FAM178B: variants seen among roughly 807,000 people sequenced by gnomAD.
FAM178B encodes protein FAM178B.
In FAM178B, 82 loss-of-function variants were observed where a neutral mutation model predicts 91.7. The ratio of observed to expected loss-of-function variants is 0.89; its 90% CI spans 0.75 to 1.07. The LOEUF is 1.07. Ranked by LOEUF, FAM178B falls within the 50% of genes least tolerant of loss-of-function variation. The pLI is 0.00. For missense variants in FAM178B, 769 were observed against 846.7 expected (o/e 0.91, Z 1.14); for synonymous variants, 368 against 359.4 (o/e 1.02, Z -0.27).
intron 8 of FAM178B, among the ~76,000 whole-genome samples, chr2:96,933,498 T>G (rs1301319903): frequency 6.6e-6 from 1 of 152,154 alleles, no homozygotes; most frequent in Non-Finnish European, 1.5e-5. Context: ...TACATGGAAT[T>G]GGAAATCCAT....
intron 13 of FAM178B, among the ~76,000 whole-genome samples, chr2:96,900,942 A>G (rs2080915430): frequency 6.6e-6 from 1 of 152,026 alleles, no homozygotes; most frequent in African/African-American, 2.4e-5. Flanking sequence ...TAGCCAGAGC[A>G]CCCCTAGTGT....
chr2:96,986,479 G>C lies in FAM178B; in HGVS notation c.-166C>G, dbSNP rs749899923. 6 of 764,568 alleles carry C rather than the reference G, an allele frequency of 7.8e-6. No homozygotes were observed. The highest frequency in any genetic ancestry group is 1.2e-5 in the Non-Finnish European group (6 of 494,300). 47.4% of individuals were successfully genotyped at this position (764,568 alleles called of 1,614,324 possible). A position where few individuals can be genotyped will look rare whatever the true frequency, so the allele number is the denominator to read the frequency against. ...CCCTAGATCCAGGGCCGCCAACGTG[G>C]AACCTAAAGATCCAGTTCTGGGGAT... is the stretch of plus-strand genomic sequence containing the variant. On this transcript the variant is annotated 5_prime_UTR_variant, in exon 1 of 17. Transcript: ENST00000490605.
intron 8 of FAM178B, among the ~76,000 whole-genome samples, chr2:96,935,491 G>C (rs950213791): frequency 6.6e-6 from 1 of 152,090 alleles, no homozygotes; most frequent in African/African-American, 2.4e-5. Context: ...CCCTCAGCAC[G>C]ACTCAGGAAG....
intron 14 of FAM178B, among the ~76,000 whole-genome samples, chr2:96,890,002 G>A (rs959409230): frequency 2.7e-5 from 4 of 149,164 alleles, no homozygotes; most frequent in South Asian, 2.1e-4. Flanking sequence ...TTGGCTGGGC[G>A]TGGTGGCTCA....
At chr2:96,898,153 G>A (rs890845711) in intron 13 of FAM178B, 6 of 975,180 alleles carry the variant, frequency 6.2e-6, no homozygotes, top group Non-Finnish European at 7.3e-6. Flanking sequence ...ACAGTGAATC[G>A]ATTGATAGGA....
In FAM178B at chr2:96,877,907, T is replaced by C. The variant is rs1407562057; in HGVS notation, c.1990A>G (p.Thr664Ala). The C allele has an allele frequency of 1.2e-6, 2 of 1,613,330 alleles. No homozygotes were observed. Among genetic ancestry groups the C allele is most frequent in the East Asian group, 2.2e-5 (1 of 44,880 alleles). The change falls in exon 16 of 17, where the codon ACC (threonine) becomes GCC (alanine). Residue 664 changes from threonine (T) to alanine (A), a missense_variant. Physicochemically the swap from Thr to Ala is moderately conservative, Grantham distance 58 (BLOSUM62 0). Coordinates refer to ENST00000490605, the MANE Select transcript of FAM178B (RefSeq NM_001122646.3). ...QTYIRWQELL[T>A]HCQPQAQYFS... ...GGCACCACCTGGGGCTGGCAGTGGGTCAGCAGCTCCTGCCAACGGATGTAG... is the reference window on the plus strand; with the variant it reads ...GGCACCACCTGGGGCTGGCAGTGGGCCAGCAGCTCCTGCCAACGGATGTAG...
At chr2:96,912,332 A>G (rs1413728895) in intron 12 of FAM178B, among the ~76,000 whole-genome samples, 9 of 152,076 alleles carry the variant, frequency 5.9e-5, no homozygotes. Context: ...AGCAGTGGAA[A>G]GAGTGCCCCA....
intron 14 of FAM178B, among the ~76,000 whole-genome samples, chr2:96,882,362 C>T (rs1470978296): frequency 2.6e-5 from 4 of 152,232 alleles, no homozygotes; most frequent in Non-Finnish European, 5.9e-5. Flanking sequence ...GCACTGCTGG[C>T]GGCTCCCTGA....
At chr2:96,890,637 G>T (rs1244796506) in intron 14 of FAM178B, among the ~76,000 whole-genome samples, 1 of 152,176 alleles carries the variant, frequency 6.6e-6, no homozygotes, top group East Asian at 1.9e-4. Flanking sequence ...GTAGCTTGGA[G>T]AGACAGTGGC....
intron 14 of FAM178B, among the ~76,000 whole-genome samples, chr2:96,889,044 C>T (rs894309589): frequency 1.3e-5 from 2 of 152,226 alleles, no homozygotes; most frequent in Non-Finnish European, 2.9e-5. Context: ...GGGCCTTGAT[C>T]TGGGTGGTGC....
At chr2:96,986,176 G>A (rs954406293) in intron 1 of FAM178B, 65 bp downstream of exon 1, 1 of 1,531,182 alleles carries the variant, frequency 6.5e-7, no homozygotes, top group Non-Finnish European at 8.7e-7. Context: ...GAGTCCCAGG[G>A]AAGTCGAGTG....
chr2:96,920,162 T>C (rs1574248158), intron 12 of FAM178B, among the ~76,000 whole-genome samples: 1 of 151,618 alleles, frequency 6.6e-6, no homozygotes, highest in South Asian at 2.1e-4. Flanking sequence ...TGGATGGGAG[T>C]GGTCTGCTCC....
chr2:96,890,544 G>A (rs1373950119), intron 14 of FAM178B, among the ~76,000 whole-genome samples: 1 of 152,150 alleles, frequency 6.6e-6, no homozygotes, highest in Non-Finnish European at 1.5e-5. Context: ...AAAACATCTG[G>A]CCAGATATGG....
Position 96,970,641 on chromosome 2 carries a change from T to C in FAM178B, c.626+75A>G. The C allele has an allele frequency of 4.3e-6, 5 of 1,169,584 alleles. No individual in the cohort carries two copies. In the South Asian group the frequency reaches 6.6e-5, roughly 15 times the overall value. The allele number at this position is 1,169,584 out of a possible 1,614,324, so 72.5% of individuals were successfully genotyped here. The stretch of plus-strand genomic sequence containing the variant: ...GGAGGCCGCTGTACTCCGACCAGAC[T>C]CTGCAGTGAGTCCCGGGACTGCTGC... On this transcript the variant is annotated intron_variant, in intron 4 of 16. Transcript: ENST00000490605.
chr2:96,975,286 A>G (rs1481277486), intron 1 of FAM178B, among the ~76,000 whole-genome samples: 1 of 152,134 alleles, frequency 6.6e-6, no homozygotes, highest in Non-Finnish European at 1.5e-5. Context: ...CTGTATAGTA[A>G]CATATAGTAT....
At chr2:96,983,468 C>A (rs1452086929) in intron 1 of FAM178B, among the ~76,000 whole-genome samples, 3 of 152,048 alleles carry the variant, frequency 2.0e-5, no homozygotes, top group African/African-American at 7.2e-5. Context: ...TCTCGCTCTG[C>A]TGCCCAGACT....
chr2:96,975,771 T>C (rs760158157), intron 1 of FAM178B, among the ~76,000 whole-genome samples: 2 of 152,220 alleles, frequency 1.3e-5, no homozygotes, highest in African/African-American at 4.8e-5. Context: ...TTACACTAAA[T>C]GTACCATAGT....
At chr2:96,949,116 G>A (rs1037019634) in intron 7 of FAM178B, among the ~76,000 whole-genome samples, 4 of 152,254 alleles carry the variant, frequency 2.6e-5, no homozygotes, top group Non-Finnish European at 4.4e-5. Context: ...CCACTCTCCC[G>A]GCAAGGCTGG....
intron 14 of FAM178B, among the ~76,000 whole-genome samples, chr2:96,883,813 G>A (rs540812317): frequency 6.6e-6 from 1 of 152,196 alleles, no homozygotes; most frequent in Non-Finnish European, 1.5e-5. Context: ...GGAGCCAGGG[G>A]GGGTCCTCTT....
Sources: gnomAD v4.1 joint callset for allele counts (sites outside exome capture counted in the v4.1 genomes callset) on GRCh38, gnomAD v4.1.1 for gene constraint, MANE v1.5 for transcripts, NCBI Gene and HGNC (gene_info 2026-07-23, HGNC 2026-07-21) for gene names.